The following SATB2 variants were observed in gnomAD, a reference collection of about 807,000 sequenced individuals.
SATB2 encodes DNA-binding protein SATB2.
Under a neutral mutation model 73.4 loss-of-function variants are expected in SATB2, and 1 was observed. The ratio of observed to expected loss-of-function variants is 0.01; its 90% CI spans 0.00 to 0.06. The LOEUF (loss-of-function observed/expected upper bound fraction) is 0.06, where lower values mean the gene tolerates loss of function less well. Among genes scored for constraint, SATB2 ranks in the 10% least tolerant of loss-of-function variants. The probability of loss-of-function intolerance (pLI) is 1.00; values close to 1 mark genes in which losing one functional copy is unlikely to be tolerated. For synonymous variants in SATB2, 397 were observed against 367.0 expected, an observed-to-expected ratio of 1.08 and a Z score of -0.93; for missense variants, 459 against 945.8, an observed-to-expected ratio of 0.49 and a Z score of 6.75.
In SATB2 at chr2:199,425,195, C is replaced by A. The variant is rs140050444; in HGVS notation, c.346+8143G>T. Reference sequence around the variant, plus strand: ...AAGTTATATATTTTAATGAGACATACCTTAATTATTAAATAAAGGTTGTAT... The same window carrying A: ...AAGTTATATATTTTAATGAGACATAACTTAATTATTAAATAAAGGTTGTAT... On this transcript the variant is annotated intron_variant, in intron 3 of 10. Transcript: ENST00000417098. 7.6e-3 allele frequency among the ~76,000 whole-genome samples: 1,158 copies of A among 152,222 alleles called. 7 individuals carry two copies. Among genetic ancestry groups the A allele is most frequent in the Non-Finnish European group, 0.013 (917 of 68,012 alleles).
rs766620947 is a variant in SATB2, at chr2:199,450,626, A to G, written c.169+5243T>C. Among the ~76,000 whole-genome samples, 15 of 152,274 alleles carry G rather than the reference A, an allele frequency of 9.9e-5. No homozygotes were observed. In the East Asian group the frequency reaches 2.5e-3, roughly 25 times the overall value. On this transcript the variant is annotated intron_variant, in intron 2 of 10. Transcript: ENST00000417098. ...ACAGAAACCTAAAAAGCTTTAAAAGATAAGTATAACCCAAGAAAATAATAC... is the reference window on the plus strand; with the variant it reads ...ACAGAAACCTAAAAAGCTTTAAAAGGTAAGTATAACCCAAGAAAATAATAC...
chr2:199,346,012 T>C (rs1023234295), intron 7 of SATB2, among the ~76,000 whole-genome samples: 2 of 152,114 alleles, frequency 1.3e-5, no homozygotes, highest in African/African-American at 4.8e-5. Flanking sequence ...GCAAAGAAAA[T>C]ATAAAAAATA....
chr2:199,451,552 G>C (rs1692124812), intron 2 of SATB2, among the ~76,000 whole-genome samples: 1 of 151,570 alleles, frequency 6.6e-6, no homozygotes, highest in African/African-American at 2.4e-5. Flanking sequence ...TGGGAATGGA[G>C]TTTTCTCCAT....
chr2:199,415,117 C>T (rs1690936086), intron 3 of SATB2, among the ~76,000 whole-genome samples: 2 of 152,186 alleles, frequency 1.3e-5, no homozygotes, highest in Admixed American at 1.3e-4. Context: ...ATGAGCACCA[C>T]AATTATGTGC....
rs1574478801 is a variant in SATB2, at chr2:199,293,349, T to C, written c.1740+15411A>G. Among the ~76,000 whole-genome samples, 3 of 152,230 alleles carry C rather than the reference T, an allele frequency of 2.0e-5. No individual in the cohort carries two copies. The Middle Eastern group carries it at 0.01, about 518-fold the overall frequency. On this transcript the variant is annotated intron_variant, in intron 10 of 10. Coordinates refer to ENST00000417098, the MANE Select transcript of SATB2 (RefSeq NM_001172509.2). Reference sequence around the variant, plus strand: ...TGACCAAAGCTCTTAAAAATCTCCATGAAAATTTGGTTGTCATAACTTTCC... The same window carrying C: ...TGACCAAAGCTCTTAAAAATCTCCACGAAAATTTGGTTGTCATAACTTTCC...
intron 6 of SATB2, among the ~76,000 whole-genome samples, chr2:199,361,931 G>A (rs940290762): frequency 2.0e-5 from 3 of 151,374 alleles, no homozygotes; most frequent in African/African-American, 7.3e-5. Context: ...TAAAGATGGG[G>A]TTTCATCATG....
chr2:199,314,391 C>A (rs1200809282), intron 9 of SATB2, among the ~76,000 whole-genome samples: 1 of 151,296 alleles, frequency 6.6e-6, no homozygotes, highest in Admixed American at 6.6e-5. Context: ...AACTTTGTCA[C>A]TGTTCTAAGG....
chr2:199,371,781 C>T (rs1445046267), intron 5 of SATB2, among the ~76,000 whole-genome samples: 5 of 152,104 alleles, frequency 3.3e-5, no homozygotes, highest in Admixed American at 3.3e-4. Flanking sequence ...CAGAATGCAA[C>T]CAACTCGAGT....
chr2:199,307,703 C>T (rs1444316121), intron 10 of SATB2, among the ~76,000 whole-genome samples: 1 of 152,120 alleles, frequency 6.6e-6, no homozygotes, highest in Non-Finnish European at 1.5e-5. Flanking sequence ...TGAAAAGTGA[C>T]ATAAAGATGT....
In SATB2 at chr2:199,464,819, C is replaced by CCT. The variant is rs1213034321; in HGVS notation, c.-141+15_-141+16dup. On this transcript the variant is annotated intron_variant, in intron 1 of 11. Transcript: ENST00000260926. This position sits in a 1 kb window ranked among gnomAD's most constrained non-coding sequence, Gnocchi z 6.6. ...CTCCCGGCGTGTCGGGCCCTGCGCCCCTGCCCAGTGGCTCACCTCGGCTCG... is the reference window on the plus strand; with the variant it reads ...CTCCCGGCGTGTCGGGCCCTGCGCCCCTCTGCCCAGTGGCTCACCTCGGCTCG... 1 of 152,586 alleles carries CCT rather than the reference C, an allele frequency of 6.6e-6. No homozygotes were observed. Among genetic ancestry groups the CCT allele is most frequent in the Non-Finnish European group, 1.5e-5 (1 of 68,380 alleles). 9.5% of individuals were successfully genotyped at this position (152,586 alleles called of 1,614,324 possible).
intron 5 of SATB2, among the ~76,000 whole-genome samples, chr2:199,369,766 A>C (rs2105851214): frequency 6.6e-6 from 1 of 152,300 alleles, no homozygotes; most frequent in Non-Finnish European, 1.5e-5. Context: ...CAATAAATCA[A>C]GTTATTTAAC....
intron 6 of SATB2, among the ~76,000 whole-genome samples, chr2:199,366,713 A>G (rs2105847541): frequency 6.6e-6 from 1 of 151,974 alleles, no homozygotes; most frequent in African/African-American, 2.4e-5. Flanking sequence ...ACAGTGTCTG[A>G]CAGCCTCTTC....
chr2:199,442,110 G>A (rs1691833204), intron 2 of SATB2, among the ~76,000 whole-genome samples: 1 of 152,118 alleles, frequency 6.6e-6, no homozygotes, highest in African/African-American at 2.4e-5. Flanking sequence ...CTATATAGTA[G>A]GCCCAAAATA....
chr2:199,335,681 A>C (rs1688317836), intron 7 of SATB2, among the ~76,000 whole-genome samples: 1 of 152,204 alleles, frequency 6.6e-6, no homozygotes, highest in East Asian at 1.9e-4. Flanking sequence ...AGCGAACAGC[A>C]GGCTCTGGAG....
Position 199,456,077 on chromosome 2 carries a change from G to A in SATB2, c.-40C>T. On this transcript the variant is annotated 5_prime_UTR_variant, in exon 2 of 11. Transcript: ENST00000417098. ...GAGACAAAGTTCCCACCGGCAGGTC[G>A]CAATAAAACGCACAGGGACCTAGGG... 1 of 1,051,290 alleles carries A rather than the reference G, an allele frequency of 9.5e-7. No individual in the cohort carries two copies. Among genetic ancestry groups the A allele is most frequent in the Non-Finnish European group, 1.3e-6 (1 of 786,132 alleles). The allele number at this position is 1,051,290 out of a possible 1,614,324, so 65.1% of individuals were successfully genotyped here.
At chr2:199,436,429 A>AAAAC (rs1559054074) in intron 2 of SATB2, among the ~76,000 whole-genome samples, 11 of 151,804 alleles carry the variant, frequency 7.2e-5, no homozygotes, top group African/African-American at 2.7e-4. Flanking sequence ...CTATTTAAAA[A>AAAAC]AAAACAAAAC....
chr2:199,368,830 T>C (rs957431932), intron 5 of SATB2, 123 bp from the exon 6 acceptor site: 1 of 629,822 alleles, frequency 1.6e-6, no homozygotes, highest in Non-Finnish European at 2.8e-6. Context: ...GTCACTCTCC[T>C]GTAAACTGAA....
At chr2:199,309,389 A>G (rs1333990992) in intron 9 of SATB2, among the ~76,000 whole-genome samples, 1 of 152,278 alleles carries the variant, frequency 6.6e-6, no homozygotes, top group Non-Finnish European at 1.5e-5. Context: ...GTCTAGGTGT[A>G]AACAACACTG....
chr2:199,275,110 C>A (rs1203596553), intron 10 of SATB2, among the ~76,000 whole-genome samples: 1 of 152,132 alleles, frequency 6.6e-6, no homozygotes, highest in East Asian at 1.9e-4. Context: ...ATTATGCTTG[C>A]CTTCTGTAGT....
Sources: allele counts gnomAD v4.1 joint callset (sites outside exome capture counted in the v4.1 genomes callset), GRCh38; gene constraint gnomAD v4.1.1; non-coding constraint Gnocchi (gnomAD v3.1); transcripts MANE v1.5; gene names NCBI Gene and HGNC (gene_info 2026-07-23, HGNC 2026-07-21).